Variants in GPHN observed in about 807,000 individuals in gnomAD.
The protein encoded by GPHN is gephyrin.
GPHN carries 17 observed loss-of-function variants against 95.5 expected under a neutral mutation model. That is an observed-to-expected ratio of 0.18 (90% confidence interval 0.12 to 0.27). The LOEUF (loss-of-function observed/expected upper bound fraction) is 0.27, where lower values mean the gene tolerates loss of function less well. Among genes scored for constraint, GPHN ranks in the 10% least tolerant of loss-of-function variants. GPHN has a pLI of 1.00. For synonymous variants in GPHN, 320 were observed against 322.5 expected (o/e 0.99, Z 0.08); for missense variants, 660 against 978.1 (o/e 0.67, Z 4.34).
the GPHN span, chr14:67,412,049 C>A: frequency 1.3e-6 from 2 of 1,553,930 alleles, no homozygotes; most frequent in Admixed American, 1.9e-5. Context: ...CTTGAGCACG[C>A]CGTCCTCCAT....
At chr14:67,562,337 T>C in the GPHN span, 5 of 1,613,912 alleles carry the variant, frequency 3.1e-6, no homozygotes, top group East Asian at 2.2e-5. Context: ...AGCAAGCCCC[T>C]TGGAGGATTC....
chr14:67,671,816 G>T, the GPHN span, among the ~76,000 whole-genome samples: 1 of 152,200 alleles, frequency 6.6e-6, no homozygotes, highest in African/African-American at 2.4e-5. Context: ...AACAGATCAA[G>T]AGAGCAGGCA....
intron 4 of GPHN, among the ~76,000 whole-genome samples, chr14:66,843,622 G>T (rs2062187426): frequency 6.6e-6 from 1 of 152,078 alleles, no homozygotes. Context: ...AAAATCACTG[G>T]CATTGCTCCT....
chr14:66,579,435 G>A (rs1214019767), intron 1 of GPHN, among the ~76,000 whole-genome samples: 2 of 150,076 alleles, frequency 1.3e-5, no homozygotes, highest in Non-Finnish European at 3.0e-5. Flanking sequence ...AAAAAAAAAA[G>A]TCCAAACTAT....
chr14:67,646,499 C>A, the GPHN span: 1 of 601,490 alleles, frequency 1.7e-6, no homozygotes, highest in East Asian at 2.8e-5. Flanking sequence ...CTTCTCCTTC[C>A]CAGATCAAGT....
chr14:66,945,180 G>GA (rs919330686), intron 8 of GPHN, among the ~76,000 whole-genome samples: 10 of 150,700 alleles, frequency 6.6e-5, no homozygotes, highest in Admixed American at 3.3e-4. Flanking sequence ...TTTATTGTGT[G>GA]AAAAAAAAAG....
At chr14:66,718,889 G>C (rs56292859) in intron 2 of GPHN, among the ~76,000 whole-genome samples, 1 of 152,150 alleles carries the variant, frequency 6.6e-6, no homozygotes, top group African/African-American at 2.4e-5. Context: ...TGCAGCTGCT[G>C]TGGGGGATGG....
the GPHN span, among the ~76,000 whole-genome samples, chr14:67,661,973 G>A: frequency 7.9e-5 from 12 of 151,920 alleles, no homozygotes; most frequent in South Asian, 6.2e-4. Flanking sequence ...TGGCTAACAC[G>A]GTGAAACCCC....
chr14:67,143,500 A>G (rs761285506), intron 18 of GPHN, 51 bp downstream of exon 18: 2 of 1,115,732 alleles, frequency 1.8e-6, no homozygotes, highest in South Asian at 1.2e-5. Context: ...GTTCTTGCAT[A>G]TGGTCGATTA....
rs1555503615 is a variant in GPHN, at chr14:67,150,460, A to AC, written c.1836+7011_1836+7012insC. Among the ~76,000 whole-genome samples the AC allele has an allele frequency of 2.0e-3, 295 of 145,452 alleles. 3 individuals carry two copies. Among genetic ancestry groups the AC allele is most frequent in the African/African-American group, 7.1e-3 (281 of 39,582 alleles). ...CGTCTCAAAAAAAAAAAACAAAAAA[A>AC]AAAAAAAAAAAAACATTGTAAGGTT... On this transcript the variant is annotated intron_variant, in intron 18 of 22. Coordinates refer to ENST00000478722, the MANE Select transcript of GPHN (RefSeq NM_020806.5).
chr14:66,774,587 A>G (rs936253194), intron 2 of GPHN, among the ~76,000 whole-genome samples: 2 of 152,122 alleles, frequency 1.3e-5, no homozygotes, highest in African/African-American at 4.8e-5. Context: ...TTTTCTCTCA[A>G]AAAGTCTTGT....
At chr14:66,738,012 C>G (rs1482173694) in intron 2 of GPHN, among the ~76,000 whole-genome samples, 1 of 152,204 alleles carries the variant, frequency 6.6e-6, no homozygotes, top group South Asian at 2.1e-4. Flanking sequence ...AATTAGAACT[C>G]TTTGGCTGCC....
intron 1 of GPHN, among the ~76,000 whole-genome samples, chr14:66,546,634 T>G (rs2140130944): frequency 6.6e-6 from 1 of 151,976 alleles, no homozygotes; most frequent in South Asian, 2.1e-4. Context: ...CAGTCAGGCG[T>G]GGCGGCGCGT....
At chr14:67,671,427 G>A in the GPHN span, among the ~76,000 whole-genome samples, 2 of 152,144 alleles carry the variant, frequency 1.3e-5, no homozygotes, top group African/African-American at 4.8e-5. Context: ...TCGGAAGGCT[G>A]AGGCATGAGA....
chr14:66,617,124 A>G (rs1285551697), intron 1 of GPHN, among the ~76,000 whole-genome samples: 2 of 152,184 alleles, frequency 1.3e-5, no homozygotes, highest in Admixed American at 6.5e-5. Context: ...ACCAGGAGGA[A>G]AGGCTAAGTT....
the GPHN span, chr14:67,303,573 A>G: frequency 6.2e-7 from 1 of 1,613,766 alleles, no homozygotes; most frequent in Middle Eastern, 1.7e-4. Flanking sequence ...TCAACAGATC[A>G]AGCCGCCTCC....
chr14:67,706,617 G>GGCAATCAGATACGCATTTGTT, the GPHN span, among the ~76,000 whole-genome samples: 29 of 152,210 alleles, frequency 1.9e-4, no homozygotes, highest in Admixed American at 1.6e-3. Context: ...TTTCAAAGGA[G>GGCAATCAGATACGCATTTGTT]GCAATCAGAT....
the GPHN span, among the ~76,000 whole-genome samples, chr14:67,721,504 C>T: frequency 3.3e-5 from 5 of 152,112 alleles, no homozygotes; most frequent in African/African-American, 9.7e-5. Context: ...ACCTTGGGCT[C>T]TTTACCAGCA....
chr14:67,094,308 G>GA (rs1343230555), intron 12 of GPHN, among the ~76,000 whole-genome samples: 1 of 152,042 alleles, frequency 6.6e-6, no homozygotes, highest in Non-Finnish European at 1.5e-5. Flanking sequence ...CTGGATATTA[G>GA]AAAAAGGAGG....
Sources: gnomAD v4.1 joint callset for allele counts (sites outside exome capture counted in the v4.1 genomes callset) on GRCh38, gnomAD v4.1.1 for gene constraint, MANE v1.5 for transcripts, NCBI Gene and HGNC (gene_info 2026-07-23, HGNC 2026-07-21) for gene names.